The following MAP4K4 variants were observed in gnomAD, a reference collection of about 807,000 sequenced individuals.
MAP4K4 encodes HPK/GCK-like kinase HGK.
MAP4K4 carries 38 observed loss-of-function variants against 189.6 expected under a neutral mutation model. That is an observed-to-expected ratio of 0.20 (90% CI 0.15 to 0.26). The LOEUF is 0.26. MAP4K4 is among the 10% of genes least tolerant of loss of function. MAP4K4 has a pLI of 1.00. For missense variants in MAP4K4, 1,054 were observed against 1,726.9 expected (o/e 0.61, Z 6.91); for synonymous variants, 610 against 624.3 (o/e 0.98, Z 0.34).
chr2:101,775,034 CTTTT>C (rs77977516), intron 2 of MAP4K4, among the ~76,000 whole-genome samples: 23 of 129,040 alleles, frequency 1.8e-4, no homozygotes, highest in Admixed American at 7.8e-4. Flanking sequence ...CCTATCCCCT[CTTTT>C]TTTTTTTTTT....
At chr2:101,851,413 T>C (rs1324454820) in intron 12 of MAP4K4, among the ~76,000 whole-genome samples, 1 of 152,236 alleles carries the variant, frequency 6.6e-6, no homozygotes, top group African/African-American at 2.4e-5. Context: ...GGCTTTGTTA[T>C]TTGCAATCAT....
chr2:101,831,188 TCAG>T (rs2149421072), intron 6 of MAP4K4, among the ~76,000 whole-genome samples: 1 of 152,276 alleles, frequency 6.6e-6, no homozygotes, highest in Non-Finnish European at 1.5e-5. Flanking sequence ...CACTGAAAAA[TCAG>T]CAGAAGTTCC....
At chr2:101,745,329 C>T (rs1419775142) in intron 2 of MAP4K4, among the ~76,000 whole-genome samples, 6 of 42,834 alleles carry the variant, frequency 1.4e-4, no homozygotes, top group African/African-American at 1.0e-3. Flanking sequence ...GAAAATATCA[C>T]CCCCCCCCCC....
intron 6 of MAP4K4, among the ~76,000 whole-genome samples, chr2:101,830,954 T>A (rs1172809109): frequency 6.6e-6 from 1 of 152,244 alleles, no homozygotes; most frequent in Non-Finnish European, 1.5e-5. Flanking sequence ...CATGAATCTA[T>A]GATCCCTTTA....
intron 21 of MAP4K4, 102 bp from the exon 22 acceptor site, chr2:101,869,520 T>TA: frequency 2.2e-6 from 2 of 894,718 alleles, no homozygotes; most frequent in South Asian, 3.1e-5. Flanking sequence ...ATAAAAGTCT[T>TA]ACAAAACTGA....
chr2:101,830,001 CTTTT>C (rs978288047), intron 6 of MAP4K4, among the ~76,000 whole-genome samples: 1 of 152,006 alleles, frequency 6.6e-6, no homozygotes, highest in Non-Finnish European at 1.5e-5. Context: ...CAGTCACTGT[CTTTT>C]TTTTCTTTTC....
chr2:101,869,871 T>TCAG (rs1284915567), intron 22 of MAP4K4, 74 bp downstream of exon 22: 2 of 1,454,156 alleles, frequency 1.4e-6, no homozygotes, highest in African/African-American at 2.9e-5. Context: ...ACCTAGTTGT[T>TCAG]CCTAGACTAT....
chr2:101,702,621 T>A (rs1573759612), intron 2 of MAP4K4, among the ~76,000 whole-genome samples: 2 of 152,128 alleles, frequency 1.3e-5, no homozygotes. Flanking sequence ...TTCTGAGTCT[T>A]GGAAGGACTG....
chr2:101,823,730 A>C (rs148413831), intron 3 of MAP4K4, among the ~76,000 whole-genome samples, 198 bp from the exon 4 acceptor site: 1 of 152,082 alleles, frequency 6.6e-6, no homozygotes, highest in Admixed American at 6.5e-5. Context: ...CCTATGCATC[A>C]CGTCCTATAA....
exon 9 of MAP4K4, chr2:101,835,951 C>G (rs368448477): frequency 6.2e-7 from 1 of 1,613,498 alleles, no homozygotes; most frequent in Non-Finnish European, 8.5e-7. Flanking sequence ...CCCAGAAACC[C>G]TCCTCCCCGG....
chr2:101,850,864 A>G (rs1289685433), intron 12 of MAP4K4, among the ~76,000 whole-genome samples: 2 of 152,220 alleles, frequency 1.3e-5, no homozygotes, highest in Non-Finnish European at 2.9e-5. Context: ...AGAAATGAAT[A>G]GTTCTCCACT....
chr2:101,794,182 GTTTGTT>G (rs1362742539), intron 3 of MAP4K4, among the ~76,000 whole-genome samples: 4 of 152,176 alleles, frequency 2.6e-5, no homozygotes, highest in Admixed American at 2.0e-4. Context: ...CTATAATGTG[GTTTGTT>G]TTTGTTTTTG....
intron 3 of MAP4K4, among the ~76,000 whole-genome samples, chr2:101,791,407 A>G (rs755095709): frequency 1.3e-5 from 2 of 152,186 alleles, no homozygotes; most frequent in Non-Finnish European, 2.9e-5. Flanking sequence ...TGCATGTAAT[A>G]TATGCACGAG....
chr2:101,852,407 G>C (rs1398298661), intron 12 of MAP4K4, among the ~76,000 whole-genome samples: 1 of 152,034 alleles, frequency 6.6e-6, no homozygotes, highest in Non-Finnish European at 1.5e-5. Flanking sequence ...TCTTCTGAAG[G>C]TAATGTGTGA....
intron 2 of MAP4K4, among the ~76,000 whole-genome samples, chr2:101,758,517 C>G (rs1020784398): frequency 1.3e-5 from 2 of 152,092 alleles, no homozygotes; most frequent in Non-Finnish European, 1.5e-5. Flanking sequence ...TAGGCAAGTT[C>G]CACAGAGCAT....
intron 2 of MAP4K4, among the ~76,000 whole-genome samples, chr2:101,740,994 T>C (rs1049392895): frequency 4.1e-4 from 62 of 152,222 alleles, no homozygotes; most frequent in African/African-American, 1.4e-3. Context: ...ATGATGAGAC[T>C]GAGGTTTAGA....
At chr2:101,890,259 T>C (rs1480018115) in intron 32 of MAP4K4, among the ~76,000 whole-genome samples, 1 of 152,220 alleles carries the variant, frequency 6.6e-6, no homozygotes, top group Non-Finnish European at 1.5e-5. Flanking sequence ...CATTTATTTA[T>C]TAGAAGGTGT....
chr2:101,880,233 G>A (rs1369332493), intron 27 of MAP4K4, among the ~76,000 whole-genome samples: 1 of 152,048 alleles, frequency 6.6e-6, no homozygotes, highest in East Asian at 1.9e-4. Flanking sequence ...CATGAATTGT[G>A]CTTCTGGTAT....
chr2:101,856,266 G>C, intron 13 of MAP4K4, 128 bp downstream of exon 13: 1 of 813,790 alleles, frequency 1.2e-6, no homozygotes, highest in East Asian at 2.8e-5. Flanking sequence ...CATATACTTA[G>C]AACTTCAGAT....
Sources: gnomAD v4.1 joint callset for allele counts (sites outside exome capture counted in the v4.1 genomes callset) on GRCh38, gnomAD v4.1.1 for gene constraint, MANE v1.5 for transcripts, NCBI Gene and HGNC (gene_info 2026-07-23, HGNC 2026-07-21) for gene names.